Variants in RALGPS1 observed in about 807,000 individuals in gnomAD.
The protein encoded by RALGPS1 is ras-specific guanine nucleotide-releasing factor RalGPS1.
In RALGPS1, 19 loss-of-function variants were observed where a neutral mutation model predicts 78.8. The ratio of observed to expected loss-of-function variants is 0.24; its 90% CI spans 0.17 to 0.35. RALGPS1 has a LOEUF of 0.35. RALGPS1 is among the 10% of genes least tolerant of loss of function. RALGPS1 has a pLI of 1.00. For missense variants in RALGPS1, 454 were observed against 688.3 expected (o/e 0.66, Z 3.81); for synonymous variants, 228 against 256.3 (o/e 0.89, Z 1.06).
At chr9:127,052,455 C>G (rs2048374055) in intron 6 of RALGPS1, among the ~76,000 whole-genome samples, 1 of 152,352 alleles carries the variant, frequency 6.6e-6, no homozygotes, top group Middle Eastern at 3.4e-3. Context: ...TACCATCTTT[C>G]CTTGGCCTCT....
At position 126,983,051 on chromosome 9, in the gene RALGPS1, C is replaced by T. The variant is rs548887290; in HGVS notation, c.216+5306C>T. Among the ~76,000 whole-genome samples the T allele has an allele frequency of 2.0e-5, 3 of 149,508 alleles. No individual in the cohort carries two copies. In the Admixed American group the frequency reaches 2.0e-4, roughly 10 times the overall value. On this transcript the variant is annotated intron_variant, in intron 4 of 18. Transcript: ENST00000259351. ...TCCCGGGTTCAAACAATTCTCCTGC[C>T]TCAGCCTCCCAAGTAGCTGGGATTA...
intron 2 of RALGPS1, among the ~76,000 whole-genome samples, chr9:126,963,079 C>T (rs973096752): frequency 4.0e-5 from 6 of 151,334 alleles, no homozygotes; most frequent in East Asian, 1.9e-4. Context: ...GTCCTGAAAT[C>T]GGGATAGGTT....
At chr9:126,958,142 A>ATAAATATATATATATATATATAT (rs1554765217) in intron 1 of RALGPS1, among the ~76,000 whole-genome samples, 37 of 77,018 alleles carry the variant, frequency 4.8e-4, no homozygotes, top group Non-Finnish European at 7.7e-4. Context: ...AAAAAAAAAA[A>ATAAATATATATATATATATATAT]ATATATATAT....
intron 4 of RALGPS1, among the ~76,000 whole-genome samples, chr9:126,979,952 C>T (rs532779066): frequency 3.9e-5 from 6 of 152,136 alleles, no homozygotes; most frequent in African/African-American, 2.4e-5. Flanking sequence ...CCTAATCAGC[C>T]CTATTTTGTA....
intron 4 of RALGPS1, among the ~76,000 whole-genome samples, chr9:127,007,760 G>A (rs1313009649): frequency 1.3e-5 from 2 of 152,224 alleles, no homozygotes; most frequent in Non-Finnish European, 2.9e-5. Flanking sequence ...TAGAGAGCCA[G>A]CCAGGGGTCA....
chr9:127,167,772 G>C (rs2059368257), intron 9 of RALGPS1, among the ~76,000 whole-genome samples: 1 of 152,192 alleles, frequency 6.6e-6, no homozygotes, highest in Admixed American at 6.5e-5. Context: ...AGAAAGCGAG[G>C]GTCCTTCCTC....
At chr9:126,969,651 C>T (rs1279525382) in intron 3 of RALGPS1, among the ~76,000 whole-genome samples, 1 of 152,126 alleles carries the variant, frequency 6.6e-6, no homozygotes, top group Non-Finnish European at 1.5e-5. Flanking sequence ...ATGAAAGAAG[C>T]AATAACGAGG....
intron 4 of RALGPS1, among the ~76,000 whole-genome samples, chr9:127,011,704 A>G (rs756216714): frequency 7.9e-5 from 12 of 152,252 alleles, no homozygotes; most frequent in Middle Eastern, 3.2e-3. Context: ...TTTAAAAAAT[A>G]AATACTTTTA....
intron 8 of RALGPS1, among the ~76,000 whole-genome samples, chr9:127,104,859 C>G (rs1469829193): frequency 2.0e-5 from 3 of 152,184 alleles, no homozygotes; most frequent in African/African-American, 7.2e-5. Context: ...AAGTGATGTC[C>G]CTAAGAACAA....
At chr9:127,094,246 A>G (rs2052845355) in intron 8 of RALGPS1, among the ~76,000 whole-genome samples, 2 of 152,136 alleles carry the variant, frequency 1.3e-5, no homozygotes, top group South Asian at 4.1e-4. Flanking sequence ...TTTCCCTCAT[A>G]TAGTGTTGTC....
intron 7 of RALGPS1, among the ~76,000 whole-genome samples, chr9:127,062,444 A>G (rs1430976019): frequency 2.0e-5 from 3 of 152,220 alleles, no homozygotes; most frequent in Non-Finnish European, 4.4e-5. Context: ...TACAAATATA[A>G]GATGAATACT....
At chr9:127,198,988 G>A in intron 13 of RALGPS1, 27 bp from the exon 14 acceptor site, 8 of 1,609,552 alleles carry the variant, frequency 5.0e-6, no homozygotes, top group Non-Finnish European at 6.8e-6. Flanking sequence ...AAGCCGTTGT[G>A]CTCATTGACC....
At chr9:126,987,339 G>A (rs1469083677) in intron 4 of RALGPS1, among the ~76,000 whole-genome samples, 1 of 152,158 alleles carries the variant, frequency 6.6e-6, no homozygotes, top group African/African-American at 2.4e-5. Context: ...TTGGTGATTT[G>A]GGGAGTTGGG....
At chr9:126,982,925 CTTCTTTTTTTT>C (rs749875296) in intron 4 of RALGPS1, among the ~76,000 whole-genome samples, 148 of 54,526 alleles carry the variant, frequency 2.7e-3, no homozygotes, top group Non-Finnish European at 5.3e-3. Flanking sequence ...TCTTCTTCTT[CTTCTTTTTTTT>C]TTTTTTTTTT....
intron 4 of RALGPS1, among the ~76,000 whole-genome samples, chr9:126,997,928 C>T (rs2042924638): frequency 6.6e-6 from 1 of 152,102 alleles, no homozygotes; most frequent in Non-Finnish European, 1.5e-5. Flanking sequence ...GAAAGGATTC[C>T]CTATTTAATA....
chr9:126,983,737 C>G (rs1217836765), intron 4 of RALGPS1, among the ~76,000 whole-genome samples: 1 of 152,048 alleles, frequency 6.6e-6, no homozygotes, highest in Non-Finnish European at 1.5e-5. Context: ...AGGTTAGTCG[C>G]ACTCTGTAAT....
intron 8 of RALGPS1, among the ~76,000 whole-genome samples, chr9:127,157,246 A>G (rs1053827484): frequency 5.3e-5 from 8 of 152,114 alleles, no homozygotes; most frequent in African/African-American, 1.9e-4. Context: ...AATAATTGAC[A>G]TCCTTGCAAT....
intron 11 of RALGPS1, chr9:127,177,868 C>T (rs1453246039): frequency 6.5e-7 from 1 of 1,548,906 alleles, no homozygotes; most frequent in African/African-American, 1.4e-5. Context: ...AATCCACCCA[C>T]ACCTCTACTT....
At chr9:127,097,395 C>T (rs10987559) in intron 8 of RALGPS1, among the ~76,000 whole-genome samples, 26,762 of 152,226 alleles carry the variant, frequency 0.18, 3,151 homozygotes, top group East Asian at 0.45. Flanking sequence ...TGTCTGTACA[C>T]GGAATTTCAC....
Sources: gnomAD v4.1 joint callset for allele counts (sites outside exome capture counted in the v4.1 genomes callset) on GRCh38, gnomAD v4.1.1 for gene constraint, MANE v1.5 for transcripts, NCBI Gene and HGNC (gene_info 2026-07-23, HGNC 2026-07-21) for gene names.